The following SRGAP1 variants were observed in gnomAD, a reference collection of about 807,000 sequenced individuals.
SRGAP1 encodes SLIT-ROBO Rho GTPase-activating protein 1.
In SRGAP1, 43 loss-of-function variants were observed where a neutral mutation model predicts 121.9. That is an observed-to-expected ratio of 0.35 (90% CI 0.28 to 0.46). The LOEUF (loss-of-function observed/expected upper bound fraction) is 0.46. SRGAP1 is among the 20% of genes least tolerant of loss of function. The probability of loss-of-function intolerance (pLI) is 1.00; values close to 1 mark genes in which losing one functional copy is unlikely to be tolerated. For synonymous variants in SRGAP1, 447 were observed against 485.4 expected (o/e 0.92, Z 1.04); for missense variants, 1,102 against 1,350.9 (o/e 0.82, Z 2.89).
intron 6 of SRGAP1, among the ~76,000 whole-genome samples, chr12:64,062,076 A>G (rs991365245): frequency 2.6e-5 from 4 of 152,120 alleles, no homozygotes; most frequent in Non-Finnish European, 5.9e-5. Context: ...TGGTAACTCT[A>G]TGTTTAACTT....
chr12:64,095,792 A>G (rs2036144688), intron 14 of SRGAP1, among the ~76,000 whole-genome samples: 1 of 152,140 alleles, frequency 6.6e-6, no homozygotes, highest in Non-Finnish European at 1.5e-5. Context: ...GGTATATATG[A>G]TGTTTTAACC....
intron 1 of SRGAP1, among the ~76,000 whole-genome samples, chr12:63,909,744 G>A (rs1034549885): frequency 3.3e-5 from 5 of 152,170 alleles, no homozygotes; most frequent in Non-Finnish European, 7.3e-5. Flanking sequence ...GTATTAATCA[G>A]GTTTCTCTAG....
At chr12:64,045,944 C>T (rs1303683263) in intron 6 of SRGAP1, among the ~76,000 whole-genome samples, 2 of 152,094 alleles carry the variant, frequency 1.3e-5, no homozygotes, top group Non-Finnish European at 2.9e-5. Context: ...TACACACACA[C>T]ATATAAAATA....
chr12:63,884,693 C>A (rs1407393682), intron 1 of SRGAP1, among the ~76,000 whole-genome samples: 1 of 151,106 alleles, frequency 6.6e-6, no homozygotes, highest in Non-Finnish European at 1.5e-5. Flanking sequence ...CCTCTTCCCG[C>A]TTCCCAGTCT....
intron 1 of SRGAP1, among the ~76,000 whole-genome samples, chr12:63,906,577 T>C (rs1375359968): frequency 6.6e-6 from 1 of 152,202 alleles, no homozygotes; most frequent in Non-Finnish European, 1.5e-5. Flanking sequence ...CCTCCCAAAG[T>C]GCTGGGATTA....
intron 21 of SRGAP1, among the ~76,000 whole-genome samples, chr12:64,132,963 A>G (rs565830300): frequency 6.6e-6 from 1 of 152,364 alleles, no homozygotes; most frequent in South Asian, 2.1e-4. Flanking sequence ...CAATCCACAT[A>G]CCAGGAGATG....
At position 63,868,591 on chromosome 12, in the gene SRGAP1, G is replaced by A. The variant is rs112215646; in HGVS notation, c.67+23708G>A. 3.3e-5 allele frequency among the ~76,000 whole-genome samples: 5 copies of A among 152,152 alleles called. 1 individual carries two copies. Among genetic ancestry groups the A allele is most frequent in the African/African-American group, 1.2e-4 (5 of 41,540 alleles). The stretch of plus-strand genomic sequence containing the variant: ...TGCCCAGGCTGGCCTTGAACTCCTG[G>A]GCTCAAGCGATATGCCAGCCTTGGC... On this transcript the variant is annotated intron_variant, in intron 1 of 21. Coordinates refer to ENST00000355086, the MANE Select transcript of SRGAP1 (RefSeq NM_020762.4).
chr12:64,082,892 A>G (rs1434288251), intron 10 of SRGAP1, among the ~76,000 whole-genome samples: 1 of 152,216 alleles, frequency 6.6e-6, no homozygotes, highest in East Asian at 1.9e-4. Flanking sequence ...CAGCAGGCAC[A>G]CTAGCCTCTG....
intron 1 of SRGAP1, among the ~76,000 whole-genome samples, chr12:63,938,373 C>T (rs570095959): frequency 6.6e-6 from 1 of 152,292 alleles, no homozygotes; most frequent in African/African-American, 2.4e-5. Context: ...TGGAGTCTTC[C>T]AGGCTTGCCA....
At chr12:63,988,863 T>C (rs1330641361) in intron 2 of SRGAP1, among the ~76,000 whole-genome samples, 1 of 152,146 alleles carries the variant, frequency 6.6e-6, no homozygotes, top group East Asian at 1.9e-4. Context: ...CAGGCTGGAG[T>C]GCAGTGGCAC....
At chr12:64,022,870 G>A (rs959698507) in intron 4 of SRGAP1, among the ~76,000 whole-genome samples, 26 of 152,178 alleles carry the variant, frequency 1.7e-4, no homozygotes, top group Middle Eastern at 3.4e-3. Flanking sequence ...TTCCTCTCAA[G>A]GCATTTACAT....
At chr12:64,016,006 C>T (rs2034391948) in intron 3 of SRGAP1, among the ~76,000 whole-genome samples, 1 of 152,054 alleles carries the variant, frequency 6.6e-6, no homozygotes, top group Admixed American at 6.6e-5. Flanking sequence ...TCAGAATTAG[C>T]CTAGGGAAGG....
At chr12:64,017,424 G>C (rs1033295574) in intron 4 of SRGAP1, among the ~76,000 whole-genome samples, 6 of 152,114 alleles carry the variant, frequency 3.9e-5, no homozygotes, top group Non-Finnish European at 7.4e-5. Context: ...GGAGGCCAAG[G>C]CTGGTGGATC....
chr12:63,916,515 C>T (rs2030786929), intron 1 of SRGAP1, among the ~76,000 whole-genome samples: 1 of 152,138 alleles, frequency 6.6e-6, no homozygotes, highest in South Asian at 2.1e-4. Context: ...GCTGGGAAAA[C>T]AAATGTCATC....
intron 3 of SRGAP1, among the ~76,000 whole-genome samples, chr12:64,000,414 G>A (rs929212640): frequency 4.6e-5 from 7 of 151,974 alleles, no homozygotes; most frequent in African/African-American, 1.7e-4. Context: ...TTCAAGACCA[G>A]CGTGGGCAAC....
intron 6 of SRGAP1, among the ~76,000 whole-genome samples, chr12:64,060,434 C>G (rs2035430086): frequency 6.6e-6 from 1 of 152,000 alleles, no homozygotes; most frequent in Non-Finnish European, 1.5e-5. Flanking sequence ...TCTTGAACCC[C>G]TGGGCTCAAG....
intron 1 of SRGAP1, among the ~76,000 whole-genome samples, chr12:63,970,233 G>T (rs1331497062): frequency 6.6e-6 from 1 of 152,202 alleles, no homozygotes; most frequent in Non-Finnish European, 1.5e-5. Context: ...CGTAATTAGG[G>T]GGAGAGGTGG....
chr12:63,950,052 T>G (rs1240218404), intron 1 of SRGAP1, among the ~76,000 whole-genome samples: 1 of 152,208 alleles, frequency 6.6e-6, no homozygotes, highest in Admixed American at 6.5e-5. Context: ...TAACTGGTTA[T>G]CAGACCTCAG....
chr12:63,868,598 G>A (rs879354899), intron 1 of SRGAP1, among the ~76,000 whole-genome samples: 1 of 152,158 alleles, frequency 6.6e-6, no homozygotes, highest in Non-Finnish European at 1.5e-5. Context: ...CTGGGCTCAA[G>A]CGATATGCCA....
Sources: allele counts gnomAD v4.1 joint callset (sites outside exome capture counted in the v4.1 genomes callset), GRCh38; gene constraint gnomAD v4.1.1; transcripts MANE v1.5; gene names NCBI Gene and HGNC (gene_info 2026-07-23, HGNC 2026-07-21).